Variants in ZBTB7C observed in about 807,000 individuals in gnomAD.
ZBTB7C encodes zinc finger and BTB domain-containing protein 7C.
In ZBTB7C, 8 loss-of-function variants were observed where a neutral mutation model predicts 25.7. The ratio of observed to expected loss-of-function variants is 0.31; its 90% CI spans 0.18 to 0.56. ZBTB7C has a LOEUF of 0.56. ZBTB7C is among the 20% of genes least tolerant of loss of function. The pLI, the probability that ZBTB7C is intolerant of heterozygous loss-of-function variation, is 0.91. For synonymous variants in ZBTB7C, 394 were observed against 369.0 expected (o/e 1.07, Z -0.78); for missense variants, 824 against 855.2 (o/e 0.96, Z 0.46).
chr18:48,171,029 C>T (rs1178490008), intron 3 of ZBTB7C, among the ~76,000 whole-genome samples: 3 of 152,198 alleles, frequency 2.0e-5, no homozygotes, highest in Non-Finnish European at 2.9e-5. Flanking sequence ...AGCCACCTAC[C>T]TGAAAGTGGG....
In ZBTB7C at chr18:48,040,466, G is replaced by C; in HGVS notation, c.642C>G (p.Gly214=). The C allele has an allele frequency of 1.2e-6, 2 of 1,608,366 alleles. No individual in the cohort carries two copies. Among genetic ancestry groups the C allele is most frequent in the Non-Finnish European group, 1.7e-6 (2 of 1,176,914 alleles). ...GGATCACCCCCAGATGGCCAGGACT[G>C]CCAGCCTGGAAGGAGTCAGGGAAGT... ...PRDFPDSFQA[G]SPGHLGVIRD... Residue 214 remains glycine, a synonymous_variant, in exon 4 of 5, where the codon GGC becomes GGG. Coordinates refer to ENST00000590800, the MANE Select transcript of ZBTB7C (RefSeq NM_001318841.2).
intron 2 of ZBTB7C, among the ~76,000 whole-genome samples, chr18:48,300,278 G>C (rs1421853684): frequency 6.6e-6 from 1 of 152,118 alleles, no homozygotes; most frequent in African/African-American, 2.4e-5. Flanking sequence ...AGGAACACTT[G>C]GCTAGGTTTT....
intron 3 of ZBTB7C, among the ~76,000 whole-genome samples, chr18:48,085,801 C>T (rs576228368): frequency 1.3e-5 from 2 of 152,334 alleles, no homozygotes; most frequent in East Asian, 1.9e-4. Flanking sequence ...GAATAAATGT[C>T]TGGAATCTTC....
chr18:48,153,446 T>C (rs1001996113), intron 3 of ZBTB7C, among the ~76,000 whole-genome samples: 3 of 151,970 alleles, frequency 2.0e-5, no homozygotes, highest in Non-Finnish European at 4.4e-5. Context: ...GGCACAAAGG[T>C]ACAAGGTACA....
chr18:48,368,837 G>A (rs1013308423), intron 1 of ZBTB7C, among the ~76,000 whole-genome samples: 1 of 62,988 alleles, frequency 1.6e-5, no homozygotes, highest in African/African-American at 6.5e-5. Context: ...GACCCTTCTG[G>A]AATGAAGGGA....
At chr18:48,370,356 T>A (rs1388996162) in intron 1 of ZBTB7C, among the ~76,000 whole-genome samples, 1 of 152,212 alleles carries the variant, frequency 6.6e-6, no homozygotes, top group East Asian at 1.9e-4. Context: ...TCCATTTATA[T>A]AATATTCTTG....
At chr18:48,244,052 G>C (rs2043606321) in intron 2 of ZBTB7C, among the ~76,000 whole-genome samples, 1 of 152,128 alleles carries the variant, frequency 6.6e-6, no homozygotes, top group African/African-American at 2.4e-5. Context: ...TTAAATCTAA[G>C]ACTCAAAACT....
At chr18:48,317,568 A>G (rs1043924777) in intron 2 of ZBTB7C, among the ~76,000 whole-genome samples, 1 of 152,206 alleles carries the variant, frequency 6.6e-6, no homozygotes, top group African/African-American at 2.4e-5. Context: ...TGCAAAGTAC[A>G]GGGAGGCACC....
At chr18:48,275,765 G>C (rs765599930) in intron 2 of ZBTB7C, among the ~76,000 whole-genome samples, 1 of 152,116 alleles carries the variant, frequency 6.6e-6, no homozygotes, top group East Asian at 1.9e-4. Context: ...AGTGCACCTT[G>C]GTAAGCCTCA....
chr18:48,151,141 G>C (rs2144889960), intron 3 of ZBTB7C, among the ~76,000 whole-genome samples: 1 of 152,298 alleles, frequency 6.6e-6, no homozygotes, highest in South Asian at 2.1e-4. Flanking sequence ...CTTCAGGTGT[G>C]TTGTGGCTGG....
At chr18:48,408,817 A>C (rs1174274272) in intron 1 of ZBTB7C, among the ~76,000 whole-genome samples, 1 of 151,094 alleles carries the variant, frequency 6.6e-6, no homozygotes, top group African/African-American at 2.4e-5. Flanking sequence ...CGCCCGCAGA[A>C]GTTCCTTTCC....
chr18:48,150,570 A>G (rs2040644497), intron 3 of ZBTB7C: 1 of 142,404 alleles, frequency 7.0e-6, no homozygotes, highest in African/African-American at 2.7e-5. Flanking sequence ...AGACAGAGCG[A>G]GACTCCATCT....
intron 1 of ZBTB7C, among the ~76,000 whole-genome samples, chr18:48,379,115 AC>A (rs2047583158): frequency 1.3e-5 from 2 of 152,194 alleles, no homozygotes; most frequent in African/African-American, 4.8e-5. Context: ...TATTAATAAG[AC>A]TATCTTTTCT....
chr18:48,161,908 G>A (rs1252347251), intron 3 of ZBTB7C, among the ~76,000 whole-genome samples: 4 of 151,700 alleles, frequency 2.6e-5, no homozygotes, highest in Admixed American at 2.0e-4. Flanking sequence ...TTCTCACATC[G>A]CTCCAGCTCG....
rs183392882 is a variant in ZBTB7C at position 48,033,864 on chromosome 18, G to A, written c.1209-3953C>T. ...GGAGGTGGTGCCGGGCACACTCCAA[G>A]AACTAGATCAGTTCCCTTCCCTGGT... On this transcript the variant is annotated intron_variant, in intron 4 of 4. Coordinates refer to ENST00000590800, the MANE Select transcript of ZBTB7C (RefSeq NM_001318841.2). Among the ~76,000 whole-genome samples, 808 of 152,272 alleles carry A rather than the reference G, an allele frequency of 5.3e-3. 3 individuals carry two copies. The highest frequency in any genetic ancestry group is 0.011 in the South Asian group (55 of 4,824).
intron 3 of ZBTB7C, among the ~76,000 whole-genome samples, chr18:48,094,960 A>G (rs1045880142): frequency 6.6e-6 from 1 of 152,172 alleles, no homozygotes; most frequent in African/African-American, 2.4e-5. Context: ...TGCCTGAGAG[A>G]CAGTAATTGT....
chr18:48,033,210 T>C (rs1258179529), intron 4 of ZBTB7C, among the ~76,000 whole-genome samples: 1 of 152,162 alleles, frequency 6.6e-6, no homozygotes, highest in African/African-American at 2.4e-5. Context: ...ACACTTGGTG[T>C]AATTTCCTCA....
At chr18:48,316,817 G>A (rs934595016) in intron 2 of ZBTB7C, among the ~76,000 whole-genome samples, 1 of 152,194 alleles carries the variant, frequency 6.6e-6, no homozygotes, top group Non-Finnish European at 1.5e-5. Flanking sequence ...ACTAACACAG[G>A]AGGCAATGAA....
chr18:48,402,791 T>C (rs1257359631), intron 1 of ZBTB7C, among the ~76,000 whole-genome samples: 1 of 152,226 alleles, frequency 6.6e-6, no homozygotes, highest in Non-Finnish European at 1.5e-5. Flanking sequence ...GAAGGAAATA[T>C]ACCAAAATGT....
Sources: gnomAD v4.1 joint callset for allele counts (sites outside exome capture counted in the v4.1 genomes callset) on GRCh38, gnomAD v4.1.1 for gene constraint, MANE v1.5 for transcripts, NCBI Gene and HGNC (gene_info 2026-07-23, HGNC 2026-07-21) for gene names.